Variants in STARD13 observed in about 807,000 individuals in gnomAD.
The protein encoded by STARD13 is stAR-related lipid transfer protein 13.
In STARD13, 62 loss-of-function variants were observed where a neutral mutation model predicts 106.4. The observed-to-expected ratio is 0.58, with a 90% confidence interval of 0.48 to 0.72. The LOEUF is 0.72. STARD13 is among the 30% of genes least tolerant of loss of function. The pLI is 0.00. For missense variants in STARD13, 1,387 were observed against 1,424.0 expected, an observed-to-expected ratio of 0.97 and a Z score of 0.42; for synonymous variants, 565 against 553.0, an observed-to-expected ratio of 1.02 and a Z score of -0.31.
chr13:33,220,810 T>C (rs1888315944), intron 1 of STARD13, among the ~76,000 whole-genome samples: 2 of 152,246 alleles, frequency 1.3e-5, no homozygotes, highest in Admixed American at 6.5e-5. Context: ...TCATTAATTG[T>C]TTCCATAATT....
the STARD13 span, among the ~76,000 whole-genome samples, chr13:33,434,663 G>A: frequency 2.6e-5 from 4 of 151,924 alleles, no homozygotes; most frequent in African/African-American, 7.3e-5. Context: ...TGTGCAAAGA[G>A]GGCCACAAAG....
At chr13:33,467,478 A>G in the STARD13 span, among the ~76,000 whole-genome samples, 1 of 152,122 alleles carries the variant, frequency 6.6e-6, no homozygotes, top group Admixed American at 6.5e-5. Flanking sequence ...CTGCTGTGTG[A>G]TGCAGTTCCT....
intron 1 of STARD13, among the ~76,000 whole-genome samples, chr13:33,214,092 C>A (rs1167428019): frequency 6.6e-6 from 1 of 152,116 alleles, no homozygotes; most frequent in Admixed American, 6.5e-5. Context: ...GCATCACAAG[C>A]GACTGTGCGA....
the STARD13 span, among the ~76,000 whole-genome samples, chr13:33,664,547 G>A: frequency 7.0e-6 from 1 of 142,866 alleles, no homozygotes; most frequent in South Asian, 2.1e-4. Flanking sequence ...TTCACTCTTG[G>A]CTTCATGTCT....
intron 1 of STARD13, among the ~76,000 whole-genome samples, chr13:33,178,042 G>A (rs1204757827): frequency 6.8e-6 from 1 of 147,384 alleles, no homozygotes; most frequent in African/African-American, 2.5e-5. Flanking sequence ...AAGGAAGGAA[G>A]GAAGGAAGGA....
the STARD13 span, among the ~76,000 whole-genome samples, chr13:33,436,416 A>G: frequency 1.2e-4 from 18 of 152,366 alleles, no homozygotes; most frequent in South Asian, 2.1e-4. Context: ...AATACATACA[A>G]TGAAAAGAGG....
the STARD13 span, among the ~76,000 whole-genome samples, chr13:33,448,722 C>G: frequency 6.6e-6 from 1 of 152,132 alleles, no homozygotes; most frequent in Non-Finnish European, 1.5e-5. Flanking sequence ...ATTTCCCCTA[C>G]CAATGTGTAA....
the STARD13 span, among the ~76,000 whole-genome samples, chr13:33,548,263 G>A: frequency 4.5e-3 from 691 of 152,246 alleles, 7 homozygotes; most frequent in Middle Eastern, 0.061. Context: ...GAGAACAAGA[G>A]GACATGGATG....
chr13:33,395,973 C>G, the STARD13 span, among the ~76,000 whole-genome samples: 1 of 152,122 alleles, frequency 6.6e-6, no homozygotes, highest in Non-Finnish European at 1.5e-5. Context: ...TCCTGAGTAG[C>G]TGAGACTACA....
chr13:33,287,597 A>G (rs1217790619), upstream of STARD13, among the ~76,000 whole-genome samples: 1 of 127,120 alleles, frequency 7.9e-6, no homozygotes, highest in Non-Finnish European at 1.7e-5. Context: ...TGCTCGGCAG[A>G]AGCTCGAATG....
At chr13:33,455,209 G>C in the STARD13 span, among the ~76,000 whole-genome samples, 1 of 152,210 alleles carries the variant, frequency 6.6e-6, no homozygotes, top group African/African-American at 2.4e-5. Flanking sequence ...GGAGGATGCT[G>C]AGAGCAGACA....
At chr13:33,278,931 G>A (rs1566114540) in intron 1 of STARD13, among the ~76,000 whole-genome samples, 2 of 152,066 alleles carry the variant, frequency 1.3e-5, no homozygotes, top group African/African-American at 2.4e-5. Context: ...AGGTAATGAG[G>A]TGGAATGTAA....
downstream of STARD13, among the ~76,000 whole-genome samples, chr13:33,346,104 C>G (rs1329372659): frequency 6.6e-6 from 1 of 152,210 alleles, no homozygotes; most frequent in East Asian, 1.9e-4. Flanking sequence ...TCTCAGATCT[C>G]TGCCATATTG....
the STARD13 span, among the ~76,000 whole-genome samples, chr13:33,486,086 C>T: frequency 6.6e-6 from 1 of 152,104 alleles, no homozygotes; most frequent in African/African-American, 2.4e-5. Flanking sequence ...TGAGATCAGC[C>T]CTGACCTAGA....
At chr13:33,211,343 T>C (rs2555612) in intron 1 of STARD13, among the ~76,000 whole-genome samples, 51,803 of 151,898 alleles carry the variant, frequency 0.34, 9,117 homozygotes, top group Middle Eastern at 0.45. Context: ...AGTAAAAGCC[T>C]GTTTTTATTC....
the STARD13 span, among the ~76,000 whole-genome samples, chr13:33,542,925 C>T: frequency 1.3e-5 from 2 of 152,312 alleles, no homozygotes; most frequent in South Asian, 2.1e-4. Flanking sequence ...TCCTTTCTCC[C>T]GCCCTGGACG....
the STARD13 span, among the ~76,000 whole-genome samples, chr13:33,360,808 T>G: frequency 7.0e-6 from 1 of 142,186 alleles, no homozygotes; most frequent in East Asian, 2.1e-4. Flanking sequence ...TCTTTTTTTT[T>G]TTTTTGAGAC....
the STARD13 span, among the ~76,000 whole-genome samples, chr13:33,416,142 T>A: frequency 1.3e-5 from 2 of 152,226 alleles, no homozygotes; most frequent in African/African-American, 4.8e-5. Context: ...TTCAACAGAT[T>A]TATATCCATA....
intron 1 of STARD13, among the ~76,000 whole-genome samples, chr13:33,265,487 T>C (rs1890852531): frequency 6.6e-6 from 1 of 152,198 alleles, no homozygotes; most frequent in Non-Finnish European, 1.5e-5. Flanking sequence ...TTCAGACAAC[T>C]TGTACCAATT....
Sources: gnomAD v4.1 joint callset for allele counts (sites outside exome capture counted in the v4.1 genomes callset) on GRCh38, gnomAD v4.1.1 for gene constraint, MANE v1.5 for transcripts, NCBI Gene and HGNC (gene_info 2026-07-23, HGNC 2026-07-21) for gene names.